The following KCNJ5 variants were observed in gnomAD, a reference collection of about 807,000 sequenced individuals.
KCNJ5 encodes potassium inwardly rectifying channel subfamily J member 5, also known as G protein-activated inward rectifier potassium channel 4.
Under a neutral mutation model 20.2 loss-of-function variants are expected in KCNJ5, and 12 were observed. That is an observed-to-expected ratio of 0.59 (90% CI 0.38 to 0.96). The LOEUF (loss-of-function observed/expected upper bound fraction) is 0.96. Ranked by LOEUF, KCNJ5 falls within the 40% of genes least tolerant of loss-of-function variation. KCNJ5 has a pLI of 0.00. For synonymous variants in KCNJ5, 210 were observed against 213.9 expected (o/e 0.98, Z 0.16); for missense variants, 449 against 557.6 (o/e 0.81, Z 1.96).
At chr11:128,914,739 C>T (rs1944551705) in intron 2 of KCNJ5, among the ~76,000 whole-genome samples, 1 of 152,212 alleles carries the variant, frequency 6.6e-6, no homozygotes, top group Admixed American at 6.5e-5. Context: ...GGAATCCTTT[C>T]CAAACGTATT....
intron 2 of KCNJ5, among the ~76,000 whole-genome samples, chr11:128,915,402 C>A (rs144049792): frequency 6.6e-6 from 1 of 152,258 alleles, no homozygotes; most frequent in Non-Finnish European, 1.5e-5. Flanking sequence ...GAGTGTGGAG[C>A]CCTCTCTCCG....
intron 1 of KCNJ5, chr11:128,905,915 T>G (rs536247492): frequency 6.6e-6 from 1 of 152,166 alleles, no homozygotes; most frequent in South Asian, 2.1e-4. Flanking sequence ...CTCACCTGTT[T>G]TCCCCTTTTG....
At chr11:128,912,567 G>A (rs746034503) in intron 2 of KCNJ5, among the ~76,000 whole-genome samples, 2 of 152,138 alleles carry the variant, frequency 1.3e-5, no homozygotes, top group Non-Finnish European at 2.9e-5. Flanking sequence ...CTAGAGTGCA[G>A]TGGCCCGATC....
chr11:128,902,016 C>A (rs76887071), intron 1 of KCNJ5: 2,834 of 165,364 alleles, frequency 0.017, 88 homozygotes, highest in African/African-American at 0.063. Context: ...CCTCAGCCCC[C>A]ACGCACAGCC....
intron 1 of KCNJ5, among the ~76,000 whole-genome samples, chr11:128,892,222 C>T (rs1035700703): frequency 6.6e-6 from 1 of 152,266 alleles, no homozygotes; most frequent in African/African-American, 2.4e-5. Flanking sequence ...GCCCAAGTCA[C>T]TTCCTGCGTA....
At chr11:128,902,390 A>T (rs1944299924) in intron 1 of KCNJ5, 1 of 815,518 alleles carries the variant, frequency 1.2e-6, no homozygotes, top group Non-Finnish European at 1.9e-6. Flanking sequence ...CTGGAGGACT[A>T]TCGCACTGCC....
chr11:128,902,401 C>T (rs555086028), intron 1 of KCNJ5: 24 of 955,322 alleles, frequency 2.5e-5, no homozygotes, highest in Admixed American at 8.8e-5. Context: ...TCGCACTGCC[C>T]AAGACACTGT....
At chr11:128,902,652 C>G (rs1944308960) in intron 1 of KCNJ5, 1 of 1,614,036 alleles carries the variant, frequency 6.2e-7, no homozygotes, top group Non-Finnish European at 8.5e-7. Flanking sequence ...GAGTTCTCCT[C>G]TTCCTGCCGG....
At chr11:128,898,444 C>T (rs895207477) in intron 1 of KCNJ5, among the ~76,000 whole-genome samples, 11 of 152,346 alleles carry the variant, frequency 7.2e-5, no homozygotes, top group African/African-American at 2.6e-4. Flanking sequence ...TGTCTAATAA[C>T]ACCTACCTTG....
intron 1 of KCNJ5, among the ~76,000 whole-genome samples, chr11:128,895,546 A>G (rs893194062): frequency 5.3e-5 from 8 of 152,236 alleles, no homozygotes; most frequent in Non-Finnish European, 1.0e-4. Flanking sequence ...ACATCACAGT[A>G]TGAAGGCTTC....
At chr11:128,898,302 T>C (rs1944208173) in intron 1 of KCNJ5, among the ~76,000 whole-genome samples, 1 of 152,250 alleles carries the variant, frequency 6.6e-6, no homozygotes, top group Non-Finnish European at 1.5e-5. Flanking sequence ...TGTTTCTCCA[T>C]TTATTTGCTA....
rs936502552 is a variant in KCNJ5 at position 128,917,288 on chromosome 11, G to T, written c.*557G>T. On this transcript the variant is annotated 3_prime_UTR_variant, in exon 3 of 3. Coordinates refer to ENST00000529694, the MANE Select transcript of KCNJ5 (RefSeq NM_000890.5). ...GACCCATTACTGAGAGGTACAGAGC[G>T]TACAGCCCTTGGTGTTCTCTGCTGT... The T allele has an allele frequency of 1.9e-5, 3 of 153,912 alleles. No individual in the cohort carries two copies. Among genetic ancestry groups the T allele is most frequent in the African/African-American group, 7.2e-5 (3 of 41,470 alleles). 9.5% of individuals were successfully genotyped at this position (153,912 alleles called of 1,614,324 possible). A position where few individuals can be genotyped will look rare whatever the true frequency, so the allele number is the denominator to read the frequency against.
At chr11:128,914,195 C>G (rs1944543232) in intron 2 of KCNJ5, among the ~76,000 whole-genome samples, 1 of 152,160 alleles carries the variant, frequency 6.6e-6, no homozygotes, top group South Asian at 2.1e-4. Context: ...CACTCTGAAG[C>G]CACAAAAAAG....
In KCNJ5 at chr11:128,911,057, A is replaced by G. The variant is rs1433933571; in HGVS notation, c.-10-207A>G. 3.4e-6 allele frequency: 2 copies of G among 586,550 alleles called. No individual in the cohort carries two copies. Among genetic ancestry groups the G allele is most frequent in the African/African-American group, 1.9e-5 (1 of 53,690 alleles). The allele number at this position is 586,550 out of a possible 1,614,324, so 36.3% of individuals were successfully genotyped here. ...TTCAACAAACAGCTAGCAAGCATCTATTTTGTGCTAGACTCTGTACTAGGC... is the reference window on the plus strand; with the variant it reads ...TTCAACAAACAGCTAGCAAGCATCTGTTTTGTGCTAGACTCTGTACTAGGC... On this transcript the variant is annotated intron_variant, in intron 1 of 2. Coordinates refer to ENST00000529694, the MANE Select transcript of KCNJ5 (RefSeq NM_000890.5). This position sits in a 1 kb window ranked among gnomAD's most constrained non-coding sequence, Gnocchi z 6.3.
intron 1 of KCNJ5, among the ~76,000 whole-genome samples, chr11:128,893,112 G>C (rs925332717): frequency 6.6e-6 from 1 of 152,216 alleles, no homozygotes; most frequent in Non-Finnish European, 1.5e-5. Context: ...TCTGAGGAAC[G>C]AACAGGGCAG....
chr11:128,902,826 G>C (rs937745803), intron 1 of KCNJ5: 2 of 1,239,158 alleles, frequency 1.6e-6, no homozygotes, highest in South Asian at 1.5e-5. Context: ...GGGCAGAAAA[G>C]GCCTCTCTCC....
chr11:128,911,516 G>C lies in KCNJ5; in HGVS notation c.243G>C (p.Leu81=). The change falls in exon 2 of 3, where the codon CTG becomes CTC. Residue 81 remains leucine, a synonymous_variant. Coordinates refer to ENST00000529694, the MANE Select transcript of KCNJ5 (RefSeq NM_000890.5). This position sits in a 1 kb window ranked among gnomAD's most constrained non-coding sequence, Gnocchi z 6.3. ...YRYLSDLFTT[L]VDLKWRFNLL... ...ACCTGAGTGACCTCTTCACCACCCT[G>C]GTGGACCTCAAGTGGCGCTTCAACT... is the stretch of plus-strand genomic sequence containing the variant. The C allele has an allele frequency of 6.2e-7, 1 of 1,614,218 alleles. No individual in the cohort carries two copies. The highest frequency in any genetic ancestry group is 8.5e-7 in the Non-Finnish European group (1 of 1,180,036).
intron 1 of KCNJ5, chr11:128,904,323 C>G: frequency 2.4e-4 from 339 of 1,414,274 alleles, no homozygotes; most frequent in Non-Finnish European, 3.1e-4. Context: ...TGCACCCTGG[C>G]CTCTCTCTCA....
intron 2 of KCNJ5, among the ~76,000 whole-genome samples, 165 bp from the exon 3 acceptor site, chr11:128,916,244 A>ATGGATGGATGGATGGATGGATG (rs1565554461): frequency 4.6e-5 from 6 of 129,170 alleles, no homozygotes; most frequent in African/African-American, 1.8e-4. Context: ...ATAGATGATT[A>ATGGATGGATGGATGGATGGATG]GATGGATGGA....
Sources: allele counts gnomAD v4.1 joint callset (sites outside exome capture counted in the v4.1 genomes callset), GRCh38; gene constraint gnomAD v4.1.1; non-coding constraint Gnocchi (gnomAD v3.1); transcripts MANE v1.5; gene names NCBI Gene and HGNC (gene_info 2026-07-23, HGNC 2026-07-21).